Variants in COL25A1 observed in about 807,000 individuals in gnomAD.
COL25A1 encodes collagen type XXV alpha 1 chain, also known as collagen alpha-1(XXV) chain.
In COL25A1, 103 loss-of-function variants were observed where a neutral mutation model predicts 128.4. The ratio of observed to expected loss-of-function variants is 0.80; its 90% CI spans 0.68 to 0.94. The LOEUF (loss-of-function observed/expected upper bound fraction) is 0.94, where lower values mean the gene tolerates loss of function less well. Among genes scored for constraint, COL25A1 ranks in the 40% least tolerant of loss-of-function variants. COL25A1 has a pLI of 0.00. For synonymous variants in COL25A1, 279 were observed against 277.2 expected (o/e 1.01, Z -0.06); for missense variants, 745 against 840.0 (o/e 0.89, Z 1.40).
intron 3 of COL25A1, among the ~76,000 whole-genome samples, chr4:109,073,068 T>C (rs1763105527): frequency 6.6e-6 from 1 of 152,148 alleles, no homozygotes. Context: ...ATGGGATCAC[T>C]ATACTGTTAT....
intron 5 of COL25A1, among the ~76,000 whole-genome samples, chr4:109,046,307 C>T (rs988818664): frequency 2.0e-5 from 3 of 152,176 alleles, no homozygotes; most frequent in African/African-American, 7.2e-5. Context: ...GAACAATTGA[C>T]ATCTTTAGGT....
chr4:108,848,872 G>C (rs775087640), intron 26 of COL25A1, 69 bp from the exon 27 acceptor site: 1 of 1,216,458 alleles, frequency 8.2e-7, no homozygotes, highest in South Asian at 1.3e-5. Context: ...ATAAAAAAAC[G>C]ATGCTAGTTT....
rs375717479 is a variant in COL25A1, at chr4:108,951,932, T to A, written c.493-10495A>T. On this transcript the variant is annotated intron_variant, in intron 8 of 37. Coordinates refer to ENST00000399132, the MANE Select transcript of COL25A1 (RefSeq NM_198721.4). The stretch of plus-strand genomic sequence containing the variant: ...TCTAATTCCTAAAAACCGTAAGTTC[T>A]GAAACACACTTGACTAATAAGAGTT... Among the ~76,000 whole-genome samples the A allele has an allele frequency of 5.3e-5, 8 of 152,306 alleles. No individual in the cohort carries two copies. The East Asian group carries it at 1.2e-3, about 22-fold the overall frequency.
chr4:109,258,310 T>A (rs1405525766), intron 3 of COL25A1, among the ~76,000 whole-genome samples: 1 of 152,250 alleles, frequency 6.6e-6, no homozygotes, highest in East Asian at 1.9e-4. Context: ...TTTCACTGCC[T>A]ATATGCATTT....
chr4:109,218,178 G>A (rs978521891), intron 3 of COL25A1, among the ~76,000 whole-genome samples: 1 of 152,082 alleles, frequency 6.6e-6, no homozygotes, highest in South Asian at 2.1e-4. Context: ...CAGTAATGGC[G>A]AAAATGAACA....
intron 6 of COL25A1, among the ~76,000 whole-genome samples, chr4:108,990,977 G>A (rs973723461): frequency 6.6e-6 from 1 of 152,140 alleles, no homozygotes; most frequent in Non-Finnish European, 1.5e-5. Context: ...GATATTTTCA[G>A]TAGGCTCAGA....
At chr4:108,912,477 T>C (rs970119791) in intron 13 of COL25A1, among the ~76,000 whole-genome samples, 13 of 152,172 alleles carry the variant, frequency 8.5e-5, no homozygotes, top group African/African-American at 3.1e-4. Flanking sequence ...TAATTTAGTC[T>C]CAATATCTTT....
intron 3 of COL25A1, among the ~76,000 whole-genome samples, chr4:109,081,953 C>T (rs193109637): frequency 1.8e-4 from 28 of 152,312 alleles, no homozygotes; most frequent in Middle Eastern, 3.4e-3. Context: ...ATCCGCCCGC[C>T]TCAGCATCCC....
At chr4:109,022,546 C>A (rs911981262) in intron 5 of COL25A1, among the ~76,000 whole-genome samples, 1 of 152,174 alleles carries the variant, frequency 6.6e-6, no homozygotes, top group Non-Finnish European at 1.5e-5. Flanking sequence ...TCAAAGAGTA[C>A]ACCAATGATC....
intron 13 of COL25A1, among the ~76,000 whole-genome samples, chr4:108,912,510 G>A (rs1744350806): frequency 6.6e-6 from 1 of 152,054 alleles, no homozygotes; most frequent in Admixed American, 6.5e-5. Flanking sequence ...GCATTAGAAA[G>A]TCATAAACAT....
At chr4:108,980,826 G>C (rs1752904828) in intron 6 of COL25A1, among the ~76,000 whole-genome samples, 1 of 152,216 alleles carries the variant, frequency 6.6e-6, no homozygotes, top group South Asian at 2.1e-4. Flanking sequence ...CCGTCCTCTA[G>C]GAGCACAGCA....
chr4:109,287,827 T>C (rs1416466599), intron 3 of COL25A1, among the ~76,000 whole-genome samples: 2 of 152,054 alleles, frequency 1.3e-5, no homozygotes, highest in African/African-American at 4.8e-5. Flanking sequence ...GGCCGAGCTG[T>C]TTGAGGAGCT....
intron 3 of COL25A1, among the ~76,000 whole-genome samples, chr4:109,264,415 T>G (rs1781658166): frequency 6.6e-6 from 1 of 152,162 alleles, no homozygotes; most frequent in Non-Finnish European, 1.5e-5. Context: ...TGGGGGAAAC[T>G]CATTGGTAGC....
chr4:109,142,930 T>G (rs898854868), intron 3 of COL25A1, among the ~76,000 whole-genome samples: 1 of 152,230 alleles, frequency 6.6e-6, no homozygotes, highest in African/African-American at 2.4e-5. Flanking sequence ...TATTGTTATA[T>G]GTGAATTTCT....
chr4:109,217,977 G>A (rs551709631), intron 3 of COL25A1, among the ~76,000 whole-genome samples: 1 of 152,158 alleles, frequency 6.6e-6, no homozygotes, highest in African/African-American at 2.4e-5. Flanking sequence ...TAATCTGTCT[G>A]TATTCCCATA....
At chr4:108,859,188 A>G (rs548288663) in intron 24 of COL25A1, among the ~76,000 whole-genome samples, 1 of 152,292 alleles carries the variant, frequency 6.6e-6, no homozygotes, top group South Asian at 2.1e-4. Flanking sequence ...CAACAAGGCT[A>G]TGAGGCAGAT....
intron 3 of COL25A1, among the ~76,000 whole-genome samples, chr4:109,248,690 T>C (rs1300580970): frequency 6.6e-6 from 1 of 151,912 alleles, no homozygotes; most frequent in Non-Finnish European, 1.5e-5. Context: ...CTGCAGGGGA[T>C]CAAGTTTGTC....
intron 3 of COL25A1, among the ~76,000 whole-genome samples, chr4:109,168,388 T>C (rs1773273377): frequency 6.6e-6 from 1 of 152,198 alleles, no homozygotes; most frequent in East Asian, 1.9e-4. Flanking sequence ...TATTAGCTAG[T>C]ACACTTTGTA....
intron 3 of COL25A1, among the ~76,000 whole-genome samples, chr4:109,120,716 G>A (rs1560725753): frequency 6.6e-6 from 1 of 151,944 alleles, no homozygotes; most frequent in Non-Finnish European, 1.5e-5. Context: ...GGCTGAGGTG[G>A]AAGGATCAAT....
Sources: gnomAD v4.1 joint callset for allele counts (sites outside exome capture counted in the v4.1 genomes callset) on GRCh38, gnomAD v4.1.1 for gene constraint, MANE v1.5 for transcripts, NCBI Gene and HGNC (gene_info 2026-07-23, HGNC 2026-07-21) for gene names.